OR11A1: variants seen among roughly 807,000 people sequenced by gnomAD.
The protein encoded by OR11A1 is olfactory receptor family 11 subfamily A member 1.
For missense variants in OR11A1, 380 were observed against 378.2 expected (o/e 1.00, Z -0.04); for synonymous variants, 158 against 152.2 (o/e 1.04, Z -0.28).
intron 1 of OR11A1, among the ~76,000 whole-genome samples, chr6:29,451,812 C>T (rs962007053): frequency 5.9e-5 from 9 of 152,128 alleles, no homozygotes; most frequent in African/African-American, 2.2e-4. Context: ...AACTGAACTG[C>T]CATTTGACCC....
chr6:29,426,346 T>A lies in OR11A1; in HGVS notation c.*348A>T. 1 of 227,192 alleles carries A rather than the reference T, an allele frequency of 4.4e-6. No homozygotes were observed. The highest frequency in any genetic ancestry group is 8.6e-6 in the Non-Finnish European group (1 of 115,774). The allele number at this position is 227,192 out of a possible 1,614,324, so 14.1% of individuals were successfully genotyped here. On this transcript the variant is annotated 3_prime_UTR_variant, in exon 5 of 5. Transcript: ENST00000377149. ...TAAATTATGAAAACATATGGATACA[T>A]AGAGGGGAACAACACACTGAATCCT...
chr6:29,431,145 G>A (rs973261656), intron 2 of OR11A1, among the ~76,000 whole-genome samples: 1 of 152,018 alleles, frequency 6.6e-6, no homozygotes, highest in Non-Finnish European at 1.5e-5. Flanking sequence ...AGATAGCATA[G>A]AGTCCTTAAT....
At chr6:29,452,125 T>C (rs1372327982) in intron 1 of OR11A1, among the ~76,000 whole-genome samples, 5 of 152,086 alleles carry the variant, frequency 3.3e-5, no homozygotes, top group Admixed American at 1.3e-4. Context: ...GAGCAAAACA[T>C]TGAATACACA....
At chr6:29,447,905 A>C (rs1784938483) in intron 1 of OR11A1, among the ~76,000 whole-genome samples, 1 of 151,896 alleles carries the variant, frequency 6.6e-6, no homozygotes, top group Non-Finnish European at 1.5e-5. Context: ...CTGGTGTTCT[A>C]TAGAAAGTAA....
chr6:29,448,248 C>T (rs375335632), intron 1 of OR11A1, among the ~76,000 whole-genome samples: 38 of 152,152 alleles, frequency 2.5e-4, no homozygotes, highest in Admixed American at 1.2e-3. Flanking sequence ...ATCTCTTGAC[C>T]TCATGATCTG....
chr6:29,440,228 C>T, intron 1 of OR11A1: 1 of 1,613,968 alleles, frequency 6.2e-7, no homozygotes, highest in Non-Finnish European at 8.5e-7. Context: ...TGGAGATTGG[C>T]TATACGTCTG....
chr6:29,446,951 C>T (rs185683861), intron 1 of OR11A1, among the ~76,000 whole-genome samples: 11 of 152,260 alleles, frequency 7.2e-5, no homozygotes, highest in Admixed American at 5.2e-4. Flanking sequence ...ACCCAAGCAG[C>T]GGAAATAACA....
intron 1 of OR11A1, chr6:29,439,398 T>C (rs1783905562): frequency 6.6e-6 from 1 of 152,290 alleles, no homozygotes; most frequent in South Asian, 2.1e-4. Flanking sequence ...AGTTGAACTG[T>C]TTAATGCTAT....
chr6:29,450,647 AGAG>A (rs1231617826), intron 1 of OR11A1: 7 of 152,176 alleles, frequency 4.6e-5, no homozygotes, highest in Non-Finnish European at 7.3e-5. Context: ...GCAGCTAGAC[AGAG>A]AGATGAAAGA....
chr6:29,436,369 G>C (rs1268422600), intron 1 of OR11A1, among the ~76,000 whole-genome samples: 2 of 152,082 alleles, frequency 1.3e-5, no homozygotes, highest in Non-Finnish European at 2.9e-5. Context: ...CCATGCTCCT[G>C]AGCACAAAAA....
At chr6:29,450,146 A>G (rs1306513466) in intron 1 of OR11A1, 2 of 152,352 alleles carry the variant, frequency 1.3e-5, no homozygotes, top group Middle Eastern at 3.4e-3. Flanking sequence ...GAAGAGGAAA[A>G]AAAACACAAC....
rs556648161 is a variant in OR11A1, at chr6:29,450,178, G to A, written c.-389+6809C>T. ...CAACAATGGTCATTGTTAAAACAGG[G>A]GACTACATTTGTCCTTGGTTCCACC... On this transcript the variant is annotated intron_variant, in intron 1 of 4. Transcript: ENST00000377149. 5 of 152,328 alleles carry A rather than the reference G, an allele frequency of 3.3e-5. No homozygotes were observed. In the South Asian group the frequency reaches 1.0e-3, roughly 32 times the overall value. The allele number at this position is 152,328 out of a possible 1,614,324, so 9.4% of individuals were successfully genotyped here. A position where few individuals can be genotyped will look rare whatever the true frequency, so the allele number is the denominator to read the frequency against.
At chr6:29,456,829 G>A (rs937982267) in intron 1 of OR11A1, among the ~76,000 whole-genome samples, 158 bp downstream of exon 1, 26 of 152,196 alleles carry the variant, frequency 1.7e-4, no homozygotes, top group African/African-American at 5.8e-4. Flanking sequence ...CTAAATAGTA[G>A]CTGGTGATTC....
At chr6:29,442,231 C>T (rs759090722) in intron 1 of OR11A1, among the ~76,000 whole-genome samples, 1 of 152,156 alleles carries the variant, frequency 6.6e-6, no homozygotes, top group African/African-American at 2.4e-5. Context: ...AGGCTCTATA[C>T]ATCACTGTTA....
chr6:29,441,982 G>T (rs7741413), intron 1 of OR11A1, among the ~76,000 whole-genome samples: 1 of 152,034 alleles, frequency 6.6e-6, no homozygotes. Flanking sequence ...ATAAAGTTGC[G>T]GTAACAACAG....
At chr6:29,448,573 C>G (rs951195990) in intron 1 of OR11A1, among the ~76,000 whole-genome samples, 1 of 152,230 alleles carries the variant, frequency 6.6e-6, no homozygotes, top group African/African-American at 2.4e-5. Context: ...GTGATACATT[C>G]TGTTTAAGTA....
intron 1 of OR11A1, among the ~76,000 whole-genome samples, chr6:29,443,493 T>C (rs775012021): frequency 9.9e-5 from 15 of 152,186 alleles, no homozygotes; most frequent in Non-Finnish European, 1.5e-4. Flanking sequence ...ACATAATTTG[T>C]TCATCCATTC....
At chr6:29,434,806 C>T (rs1783506900) in intron 1 of OR11A1, among the ~76,000 whole-genome samples, 1 of 152,136 alleles carries the variant, frequency 6.6e-6, no homozygotes, top group Non-Finnish European at 1.5e-5. Context: ...GAGGTTAATC[C>T]TGGGGTATAA....
At chr6:29,439,092 A>T (rs1783880680) in intron 1 of OR11A1, among the ~76,000 whole-genome samples, 1 of 152,184 alleles carries the variant, frequency 6.6e-6, no homozygotes, top group African/African-American at 2.4e-5. Context: ...TGTTCAGTGT[A>T]TTTAGACTTT....
Sources: gnomAD v4.1 joint callset for allele counts (sites outside exome capture counted in the v4.1 genomes callset) on GRCh38, gnomAD v4.1.1 for gene constraint, MANE v1.5 for transcripts, NCBI Gene and HGNC (gene_info 2026-07-23, HGNC 2026-07-21) for gene names.